The following POR variants were observed in gnomAD, a reference collection of about 807,000 sequenced individuals.
POR encodes NADPH--cytochrome P450 reductase.
Under a neutral mutation model 84.0 loss-of-function variants are expected in POR, and 56 were observed. That is an observed-to-expected ratio of 0.67 (90% CI 0.54 to 0.83). POR has a LOEUF of 0.83. Ranked by LOEUF, POR falls within the 40% of genes least tolerant of loss-of-function variation. The pLI, the probability that POR is intolerant of heterozygous loss-of-function variation, is 0.00. For missense variants in POR, 938 were observed against 944.3 expected (o/e 0.99, Z 0.09); for synonymous variants, 414 against 400.5 (o/e 1.03, Z -0.40).
At chr7:75,954,994 C>T (rs1787622204) in intron 2 of POR, among the ~76,000 whole-genome samples, 1 of 152,124 alleles carries the variant, frequency 6.6e-6, no homozygotes, top group Non-Finnish European at 1.5e-5. Flanking sequence ...AGGTGTGAGC[C>T]GTTGCGCCCA....
intron 2 of POR, among the ~76,000 whole-genome samples, chr7:75,963,491 A>G (rs1016774825): frequency 1.3e-5 from 2 of 152,206 alleles, no homozygotes; most frequent in Non-Finnish European, 1.5e-5. Context: ...AACTCCAGAC[A>G]TGGGCTGTCG....
chr7:75,952,071 G>A (rs1378504028), intron 1 of POR, among the ~76,000 whole-genome samples: 1 of 142,978 alleles, frequency 7.0e-6, no homozygotes. Flanking sequence ...CCCGGATGGG[G>A]TGGCTGGCCG....
In POR at chr7:75,980,396, A is replaced by G. The variant is rs1304915832; in HGVS notation, c.424A>G (p.Thr142Ala). ...CGCCCTGGTGGTTTTCTGCATGGCC[A>G]CCTACGGTGAGGGAGACCCCACCGA... Residue 142 changes from threonine to alanine, a missense_variant, in exon 5 of 16, where the codon ACC (threonine) becomes GCC (alanine). Thr to Ala is a moderately conservative substitution (Grantham distance 58). Transcript: ENST00000461988. 1.9e-6 allele frequency: 3 copies of G among 1,613,168 alleles called. No individual in the cohort carries two copies. Among genetic ancestry groups the G allele is most frequent in the South Asian group, 1.1e-5 (1 of 91,080 alleles).
At chr7:75,927,326 C>G (rs1351881915) in intron 1 of POR, among the ~76,000 whole-genome samples, 2 of 151,894 alleles carry the variant, frequency 1.3e-5, no homozygotes, top group Non-Finnish European at 2.9e-5. Flanking sequence ...GGCAACATGG[C>G]GAAACCCCGT....
chr7:75,979,348 G>C (rs1788872426), intron 3 of POR, 103 bp from the exon 4 acceptor site: 3 of 1,384,672 alleles, frequency 2.2e-6, no homozygotes, highest in Non-Finnish European at 2.0e-6. Flanking sequence ...AGGAAAGGGG[G>C]CGGCCTGGAG....
chr7:75,971,804 C>T (rs1407476654), intron 2 of POR, among the ~76,000 whole-genome samples: 2 of 151,982 alleles, frequency 1.3e-5, no homozygotes, highest in African/African-American at 2.4e-5. Flanking sequence ...GAAGCGATGG[C>T]GTGCACAGGA....
intron 2 of POR, among the ~76,000 whole-genome samples, chr7:75,963,972 A>C (rs1395735004): frequency 6.6e-6 from 1 of 151,374 alleles, no homozygotes; most frequent in Non-Finnish European, 1.5e-5. Context: ...TATATTTATC[A>C]GAGCATCTAA....
chr7:75,981,165 G>T lies in POR; in HGVS notation c.634G>T (p.Asp212Tyr). Reference sequence around the variant, plus strand: ...CTTTGAGCTGGGGTTGGGCGACGACGATGGGAAGTGAGTGCCCACCCTGCC... The same window carrying T: ...CTTTGAGCTGGGGTTGGGCGACGACTATGGGAAGTGAGTGCCCACCCTGCC... Residue 212 changes from aspartate to tyrosine, a missense_variant, in exon 6 of 16, where the codon GAT (aspartate) becomes TAT (tyrosine). Physicochemically the swap from Asp to Tyr is radical, Grantham distance 160. Transcript: ENST00000461988. 2 of 1,541,662 alleles carry T rather than the reference G, an allele frequency of 1.3e-6. No individual in the cohort carries two copies. Among genetic ancestry groups the T allele is most frequent in the South Asian group, 2.4e-5 (2 of 83,086 alleles).
chr7:75,959,630 A>G (rs1787846392), intron 2 of POR, among the ~76,000 whole-genome samples: 1 of 152,038 alleles, frequency 6.6e-6, no homozygotes, highest in Non-Finnish European at 1.5e-5. Flanking sequence ...TAATTTTTGT[A>G]TTTTTAGTAG....
chr7:75,949,470 C>T (rs549272721), intron 1 of POR, among the ~76,000 whole-genome samples: 23 of 147,738 alleles, frequency 1.6e-4, no homozygotes, highest in African/African-American at 4.5e-4. Flanking sequence ...GGTTTTTGTA[C>T]GAAGTATGAT....
chr7:75,968,864 G>A (rs943336105), intron 2 of POR, among the ~76,000 whole-genome samples: 3 of 152,194 alleles, frequency 2.0e-5, no homozygotes, highest in South Asian at 2.1e-4. Flanking sequence ...GTCCAACTGC[G>A]TCAGGAGGTC....
chr7:75,939,673 T>G (rs1807871044), intron 1 of POR, among the ~76,000 whole-genome samples: 1 of 149,468 alleles, frequency 6.7e-6, no homozygotes, highest in African/African-American at 2.5e-5. Flanking sequence ...GGCATGATCT[T>G]GGCTCACTGC....
At chr7:75,961,212 G>A (rs1290668400) in intron 2 of POR, among the ~76,000 whole-genome samples, 3 of 149,396 alleles carry the variant, frequency 2.0e-5, no homozygotes, top group Admixed American at 6.6e-5. Context: ...CAGCCTGGGC[G>A]ATGAAGTGAG....
chr7:75,923,826 TGTG>T (rs1425778156), intron 1 of POR, among the ~76,000 whole-genome samples: 3 of 150,718 alleles, frequency 2.0e-5, no homozygotes, highest in African/African-American at 7.3e-5. Context: ...AGGCGGAGGT[TGTG>T]GTGAGCCAAG....
rs1250326736 is a variant in POR, at chr7:75,962,252, GTCAGGTATAT to G, written c.188+8082_188+8091del. ...TTAATAAATCTTTCGTTTGGGAGAG[GTCAGGTATAT>G]TCAGGTATAATTTGCATACAGTAAA... On this transcript the variant is annotated intron_variant, in intron 2 of 15. Coordinates refer to ENST00000461988, the MANE Select transcript of POR (RefSeq NM_000941.3). 2.6e-5 allele frequency among the ~76,000 whole-genome samples: 4 copies of G among 152,082 alleles called. 1 individual carries two copies. The highest frequency in any genetic ancestry group is 6.6e-5 in the Admixed American group (1 of 15,260).
At position 75,984,937 on chromosome 7, in the gene POR, C is replaced by G. The variant is rs782563724; in HGVS notation, c.1227C>G (p.Ala409=). Residue 409 remains alanine, a synonymous_variant, in exon 11 of 16, where the codon GCC becomes GCG. Coordinates refer to ENST00000461988, the MANE Select transcript of POR (RefSeq NM_000941.3). The stretch of plus-strand genomic sequence containing the variant: ...AGCAGGAGCTGCTGCGCAAGATGGC[C>G]TCCTCCTCCGGCGAGGGCAAGGTGC... The G allele has an allele frequency of 3.1e-6, 5 of 1,599,268 alleles. No homozygotes were observed. The highest frequency in any genetic ancestry group is 4.3e-6 in the Non-Finnish European group (5 of 1,170,150).
At chr7:75,981,000 T>C (rs1213031078) in intron 5 of POR, 48 bp from the exon 6 acceptor site, 1 of 1,509,052 alleles carries the variant, frequency 6.6e-7, no homozygotes, top group East Asian at 2.5e-5. Flanking sequence ...CCCCTCCCAC[T>C]GGTCAGGTCG....
intron 2 of POR, among the ~76,000 whole-genome samples, chr7:75,961,929 A>G (rs782187468): frequency 6.6e-6 from 1 of 152,024 alleles, no homozygotes; most frequent in Non-Finnish European, 1.5e-5. Context: ...TGGGAGGATC[A>G]CTTGAGCCCA....
intron 2 of POR, among the ~76,000 whole-genome samples, chr7:75,963,875 G>T (rs1585113710): frequency 6.6e-6 from 1 of 152,286 alleles, no homozygotes; most frequent in Non-Finnish European, 1.5e-5. Flanking sequence ...GCTGACACAG[G>T]AGAGCATCTT....
Sources: gnomAD v4.1 joint callset for allele counts (sites outside exome capture counted in the v4.1 genomes callset) on GRCh38, gnomAD v4.1.1 for gene constraint, MANE v1.5 for transcripts, NCBI Gene and HGNC (gene_info 2026-07-23, HGNC 2026-07-21) for gene names.